PPP2R5C: variants seen among roughly 807,000 people sequenced by gnomAD.
The protein encoded by PPP2R5C is protein phosphatase 2 regulatory subunit B'gamma, also known as serine/threonine-protein phosphatase 2A 56 kDa regulatory subunit gamma isoform.
PPP2R5C carries 7 observed loss-of-function variants against 68.9 expected under a neutral mutation model. That is an observed-to-expected ratio of 0.10 (90% CI 0.06 to 0.19). The LOEUF (loss-of-function observed/expected upper bound fraction) is 0.19, where lower values mean the gene tolerates loss of function less well. Ranked by LOEUF, PPP2R5C falls within the 10% of genes least tolerant of loss-of-function variation. The pLI, the probability that PPP2R5C is intolerant of heterozygous loss-of-function variation, is 1.00. For synonymous variants in PPP2R5C, 210 were observed against 222.2 expected (o/e 0.95, Z 0.49); for missense variants, 348 against 641.3 (o/e 0.54, Z 4.94).
At chr14:101,822,581 T>C (rs1241318642) in intron 1 of PPP2R5C, among the ~76,000 whole-genome samples, 1 of 152,216 alleles carries the variant, frequency 6.6e-6, no homozygotes, top group Admixed American at 6.5e-5. Context: ...TTACTTATCC[T>C]TCCTCTCTTC....
rs554547127 is a variant in PPP2R5C at position 101,910,430 on chromosome 14, AAAC to A, written c.1253+744_1253+746del. 3.6e-3 allele frequency among the ~76,000 whole-genome samples: 552 copies of A among 152,334 alleles called. 3 individuals are homozygous for A. The highest frequency in any genetic ancestry group is 0.013 in the African/African-American group (543 of 41,574). On this transcript the variant is annotated intron_variant, in intron 11 of 13. Coordinates refer to ENST00000334743, the Ensembl canonical transcript of PPP2R5C. ...GTGTGTGTGTGTGTGTATATATATG[AAAC>A]AACTGCCATTTAGTCATTCCTTAGA...
At chr14:101,774,622 T>C (rs377425644) in intron 2 of PPP2R5C, among the ~76,000 whole-genome samples, 1 of 152,222 alleles carries the variant, frequency 6.6e-6, no homozygotes, top group African/African-American at 2.4e-5. Context: ...TGAATATTGC[T>C]ATGCTGAGAT....
intron 8 of PPP2R5C, among the ~76,000 whole-genome samples, chr14:101,895,679 A>G (rs1028475066): frequency 4.6e-5 from 7 of 152,200 alleles, no homozygotes; most frequent in African/African-American, 1.4e-4. Context: ...CTGTTCTATC[A>G]TATGGATAGA....
At chr14:101,910,369 T>C (rs2141099261) in intron 11 of PPP2R5C, among the ~76,000 whole-genome samples, 1 of 151,668 alleles carries the variant, frequency 6.6e-6, no homozygotes, top group African/African-American at 2.4e-5. Flanking sequence ...CGAATGTAAT[T>C]CAAAATACAC....
At chr14:101,809,235 G>A (rs1291504151), upstream of PPP2R5C, among the ~76,000 whole-genome samples, 2 of 151,756 alleles carry the variant, frequency 1.3e-5, no homozygotes, top group Non-Finnish European at 2.9e-5. Flanking sequence ...CATTTTCTAC[G>A]TAAGTTTTTA....
At chr14:101,823,657 C>T in intron 1 of PPP2R5C, 4 of 639,728 alleles carry the variant, frequency 6.3e-6, no homozygotes, top group Non-Finnish European at 7.9e-6. Context: ...GAAACTGAAG[C>T]AGAGAGGTTC....
intron 1 of PPP2R5C, among the ~76,000 whole-genome samples, chr14:101,812,116 G>C (rs947757312): frequency 1.3e-5 from 2 of 152,236 alleles, no homozygotes; most frequent in Non-Finnish European, 2.9e-5. Flanking sequence ...TCTGGAGCGA[G>C]CATGTTAATG....
At chr14:101,840,523 G>A (rs4906151) in intron 1 of PPP2R5C, among the ~76,000 whole-genome samples, 11,023 of 139,850 alleles carry the variant, frequency 0.079, 469 homozygotes, top group Middle Eastern at 0.14. Flanking sequence ...CCACTCCACC[G>A]GTCTTTTATA....
intron 2 of PPP2R5C, among the ~76,000 whole-genome samples, chr14:101,775,489 G>A (rs1311066454): frequency 1.3e-5 from 2 of 152,232 alleles, no homozygotes; most frequent in Admixed American, 1.3e-4. Flanking sequence ...GTTGTGGGGT[G>A]TGAGGGCACT....
At chr14:101,769,560 T>C (rs1413986076) in intron 2 of PPP2R5C, among the ~76,000 whole-genome samples, 1 of 152,252 alleles carries the variant, frequency 6.6e-6, no homozygotes, top group Non-Finnish European at 1.5e-5. Flanking sequence ...AAGGGAACTC[T>C]AATGTAGAAT....
chr14:101,918,822 C>G (rs2046853490), intron 13 of PPP2R5C, among the ~76,000 whole-genome samples: 1 of 149,220 alleles, frequency 6.7e-6, no homozygotes, highest in Non-Finnish European at 1.5e-5. Flanking sequence ...TTTCCCTGAG[C>G]GTCCCTCCCT....
intron 13 of PPP2R5C, 88 bp from the exon 16 acceptor site, chr14:101,925,053 C>G: frequency 6.7e-7 from 1 of 1,482,474 alleles, no homozygotes; most frequent in Non-Finnish European, 9.3e-7. Context: ...ACGTGCCTCG[C>G]GGTTATCCTT....
intron 1 of PPP2R5C, among the ~76,000 whole-genome samples, chr14:101,832,497 C>T (rs117517581): frequency 1.6e-3 from 250 of 152,230 alleles, no homozygotes; most frequent in South Asian, 2.5e-3. Flanking sequence ...AGATTTGTGA[C>T]GATCTTGAAG....
In PPP2R5C at chr14:101,836,574, T is replaced by G. The variant is rs1170007783; in HGVS notation, c.95-20112T>G. 3.0e-5 allele frequency: 16 copies of G among 539,598 alleles called. No homozygotes were observed. The East Asian group carries it at 4.3e-4, about 15-fold the overall frequency. 33.4% of individuals were successfully genotyped at this position (539,598 alleles called of 1,614,324 possible). ...TTAAATATAATATCTCTACTTTAAA[T>G]GCCTGGGGTGTTGCATGCATTTTTC... On this transcript the variant is annotated intron_variant, in intron 1 of 13. Coordinates refer to ENST00000334743, the Ensembl canonical transcript of PPP2R5C.
chr14:101,880,392 A>C (rs918813140), intron 2 of PPP2R5C, among the ~76,000 whole-genome samples: 3 of 152,236 alleles, frequency 2.0e-5, no homozygotes, highest in Non-Finnish European at 4.4e-5. Flanking sequence ...GACACAGAGA[A>C]CAAGCTCAGA....
Position 101,850,601 on chromosome 14 carries a change from G to A in PPP2R5C, c.95-6085G>A, listed in dbSNP as rs577204338. On this transcript the variant is annotated intron_variant, in intron 1 of 13. Transcript: ENST00000334743. ...ATAAAGGGCCATGAGCAGTGAAAAC[G>A]TGAGGAGGGACCAGGTGCAGGAATC... Among the ~76,000 whole-genome samples the A allele has an allele frequency of 1.2e-4, 18 of 152,238 alleles. No homozygotes were observed. The East Asian group carries it at 3.3e-3, about 28-fold the overall frequency.
intron 13 of PPP2R5C, among the ~76,000 whole-genome samples, chr14:101,919,034 A>G (rs1348091172): frequency 6.6e-6 from 1 of 152,170 alleles, no homozygotes; most frequent in Non-Finnish European, 1.5e-5. Flanking sequence ...CATTAAATAA[A>G]ATATGTTGTT....
chr14:101,895,879 G>A (rs753262995), intron 8 of PPP2R5C, among the ~76,000 whole-genome samples: 25 of 152,152 alleles, frequency 1.6e-4, no homozygotes, highest in Non-Finnish European at 2.6e-4. Flanking sequence ...GTTTAGCTGC[G>A]GGACAGACCC....
At chr14:101,774,948 G>A (rs1372748087) in intron 2 of PPP2R5C, among the ~76,000 whole-genome samples, 2 of 152,202 alleles carry the variant, frequency 1.3e-5, no homozygotes, top group African/African-American at 4.8e-5. Flanking sequence ...GACAACAGGT[G>A]GATAAACAGA....
Sources: gnomAD v4.1 joint callset for allele counts (sites outside exome capture counted in the v4.1 genomes callset) on GRCh38, gnomAD v4.1.1 for gene constraint, MANE v1.5 for transcripts, NCBI Gene and HGNC (gene_info 2026-07-23, HGNC 2026-07-21) for gene names.